Variants in PPARGC1A observed in about 807,000 individuals in gnomAD.
PPARGC1A encodes the protein peroxisome proliferator-activated receptor gamma coactivator 1-alpha.
PPARGC1A carries 25 observed loss-of-function variants against 88.7 expected under a neutral mutation model. The observed-to-expected ratio is 0.28, with a 90% confidence interval of 0.21 to 0.39. The LOEUF is 0.39. Among genes scored for constraint, PPARGC1A ranks in the 10% least tolerant of loss-of-function variants. PPARGC1A has a pLI of 1.00. For synonymous variants in PPARGC1A, 363 were observed against 355.6 expected (o/e 1.02, Z -0.24); for missense variants, 880 against 968.7 (o/e 0.91, Z 1.22).
the PPARGC1A span, among the ~76,000 whole-genome samples, chr4:24,404,781 G>A: frequency 8.3e-4 from 126 of 152,282 alleles, 1 homozygote; most frequent in South Asian, 7.0e-3. Flanking sequence ...CTTTTCTTTG[G>A]CAGAGTTGGG....
chr4:24,329,480 C>T, the PPARGC1A span, among the ~76,000 whole-genome samples: 1 of 152,104 alleles, frequency 6.6e-6, no homozygotes, highest in South Asian at 2.1e-4. Flanking sequence ...ACTCTGGTTT[C>T]TGACTGCCCC....
chr4:24,138,042 C>T, the PPARGC1A span, among the ~76,000 whole-genome samples: 1 of 152,120 alleles, frequency 6.6e-6, no homozygotes, highest in Non-Finnish European at 1.5e-5. Context: ...ACCAGGACAC[C>T]AGAAGGCCAG....
At chr4:24,359,055 C>G in the PPARGC1A span, among the ~76,000 whole-genome samples, 29 of 152,270 alleles carry the variant, frequency 1.9e-4, no homozygotes, top group Middle Eastern at 6.8e-3. Flanking sequence ...GTTGCTGTAC[C>G]TTTATTTATG....
the PPARGC1A span, among the ~76,000 whole-genome samples, chr4:24,246,200 C>T: frequency 2.6e-5 from 4 of 152,090 alleles, no homozygotes; most frequent in East Asian, 7.7e-4. Context: ...TCAATAATAT[C>T]AATCAAATAA....
chr4:23,998,480 G>A, the PPARGC1A span, among the ~76,000 whole-genome samples: 3 of 151,868 alleles, frequency 2.0e-5, no homozygotes, highest in East Asian at 5.8e-4. Flanking sequence ...TCTGTACAAT[G>A]TCAGGATAAA....
At chr4:24,453,056 A>G in the PPARGC1A span, among the ~76,000 whole-genome samples, 1 of 152,196 alleles carries the variant, frequency 6.6e-6, no homozygotes, top group Non-Finnish European at 1.5e-5. Flanking sequence ...ACCCAGTATG[A>G]CAGCTGTCAT....
chr4:24,366,133 G>A, the PPARGC1A span, among the ~76,000 whole-genome samples: 4 of 152,060 alleles, frequency 2.6e-5, no homozygotes, highest in Non-Finnish European at 4.4e-5. Context: ...TGAAATGCAC[G>A]CCATCAAAAT....
the PPARGC1A span, among the ~76,000 whole-genome samples, chr4:23,998,711 T>A: frequency 6.6e-6 from 1 of 152,188 alleles, no homozygotes; most frequent in African/African-American, 2.4e-5. Flanking sequence ...GCATTATCAT[T>A]CATAAAATAT....
At chr4:23,838,893 A>G (rs1444201221) in intron 2 of PPARGC1A, among the ~76,000 whole-genome samples, 1 of 113,854 alleles carries the variant, frequency 8.8e-6, no homozygotes, top group Admixed American at 1.1e-4. Context: ...CTGATATTCA[A>G]TTGTAGTTGA....
the PPARGC1A span, among the ~76,000 whole-genome samples, chr4:23,993,785 C>A: frequency 4.6e-5 from 7 of 152,120 alleles, no homozygotes; most frequent in South Asian, 4.1e-4. Context: ...GGAAAGTCAG[C>A]AGGAATTTAG....
At chr4:23,901,160 G>A (rs956299704), upstream of PPARGC1A, among the ~76,000 whole-genome samples, 33 of 152,168 alleles carry the variant, frequency 2.2e-4, no homozygotes, top group African/African-American at 7.7e-4. Context: ...AAGGTCAGGA[G>A]ATCGAGACCA....
chr4:23,925,413 T>C, the PPARGC1A span, among the ~76,000 whole-genome samples: 1 of 152,100 alleles, frequency 6.6e-6, no homozygotes, highest in Non-Finnish European at 1.5e-5. Flanking sequence ...AGCATAAAAT[T>C]CCAAACCCAA....
intron 10 of PPARGC1A, among the ~76,000 whole-genome samples, chr4:23,809,432 C>T (rs1313070399): frequency 6.6e-6 from 1 of 152,052 alleles, no homozygotes; most frequent in Non-Finnish European, 1.5e-5. Context: ...ATTTCTTGCC[C>T]CTCTTGTGTC....
At chr4:24,472,278 A>AC in the PPARGC1A span, among the ~76,000 whole-genome samples, 1 of 86,934 alleles carries the variant, frequency 1.2e-5, no homozygotes, top group Non-Finnish European at 2.5e-5. The surrounding 1 kb of genome is among the most constrained non-coding windows in gnomAD (Gnocchi z 4.5). Context: ...CATCCTCCCC[A>AC]CCCCCTCCCG....
the PPARGC1A span, among the ~76,000 whole-genome samples, chr4:24,052,924 T>C: frequency 7.6e-6 from 1 of 130,990 alleles, no homozygotes; most frequent in Non-Finnish European, 1.6e-5. Context: ...AGTGCAGTGG[T>C]GCTATCTTGG....
At chr4:24,431,868 T>C in the PPARGC1A span, among the ~76,000 whole-genome samples, 1 of 152,136 alleles carries the variant, frequency 6.6e-6, no homozygotes, top group Admixed American at 6.5e-5. Context: ...TTTCAAAATA[T>C]GGGAGTTGTC....
At chr4:24,300,710 A>T in the PPARGC1A span, among the ~76,000 whole-genome samples, 2 of 152,080 alleles carry the variant, frequency 1.3e-5, no homozygotes, top group Admixed American at 1.3e-4. Context: ...TCACCAACGT[A>T]CCCAGTTGAT....
At chr4:24,367,235 C>G in the PPARGC1A span, among the ~76,000 whole-genome samples, 3 of 152,234 alleles carry the variant, frequency 2.0e-5, no homozygotes, top group East Asian at 3.9e-4. Context: ...TCAGGAAAAT[C>G]ACAGAGGAAG....
the PPARGC1A span, among the ~76,000 whole-genome samples, chr4:23,993,938 C>A: frequency 3.3e-5 from 5 of 152,096 alleles, no homozygotes; most frequent in African/African-American, 9.7e-5. Context: ...ATCCATCAGA[C>A]ACTTTTTCCA....
Sources: gnomAD v4.1 joint callset for allele counts (sites outside exome capture counted in the v4.1 genomes callset) on GRCh38, gnomAD v4.1.1 for gene constraint, Gnocchi (gnomAD v3.1) non-coding constraint, MANE v1.5 for transcripts, NCBI Gene and HGNC (gene_info 2026-07-23, HGNC 2026-07-21) for gene names.